Variants in APTX observed in about 807,000 individuals in gnomAD.
APTX encodes the protein aprataxin.
A neutral mutation model predicts 42.3 loss-of-function variants in APTX; 33 were observed. That is an observed-to-expected ratio of 0.78 (90% CI 0.59 to 1.04). APTX has a LOEUF of 1.04. APTX is among the 50% of genes least tolerant of loss of function. The probability of loss-of-function intolerance (pLI) is 0.00; values close to 1 mark genes in which losing one functional copy is unlikely to be tolerated. For synonymous variants in APTX, 130 were observed against 146.7 expected, an observed-to-expected ratio of 0.89 and a Z score of 0.82; for missense variants, 421 against 415.1, an observed-to-expected ratio of 1.01 and a Z score of -0.12.
intron 1 of APTX, chr9:33,020,128 C>T: frequency 2.7e-6 from 1 of 370,620 alleles, no homozygotes; most frequent in Non-Finnish European, 4.8e-6. Flanking sequence ...ATCCACGTCC[C>T]ACATAACCGC....
chr9:32,974,272 C>T (rs1587337198), intron 7 of APTX, among the ~76,000 whole-genome samples, 186 bp downstream of exon 7: 1 of 152,218 alleles, frequency 6.6e-6, no homozygotes, highest in Non-Finnish European at 1.5e-5. Flanking sequence ...AGACAACTCA[C>T]AGCAAAGTGG....
intron 5 of APTX, 89 bp downstream of exon 5, chr9:32,985,882 T>C (rs1831882228): frequency 8.4e-7 from 1 of 1,186,938 alleles, no homozygotes; most frequent in Non-Finnish European, 1.2e-6. Flanking sequence ...GAAAGACTGA[T>C]ATCCTTTGAT....
chr9:32,988,699 A>G lies in APTX; in HGVS notation c.134-570T>C, dbSNP rs906445326. ...CTATCTCAGGAGGAAAAAAAAAAAA[A>G]AAAAAAAAAAAAAAGATCCATTTCT... On this transcript the variant is annotated intron_variant, in intron 2 of 7. Coordinates refer to ENST00000379817, the MANE Select transcript of APTX (RefSeq NM_001195248.2). Among the ~76,000 whole-genome samples, 50 of 147,706 alleles carry G rather than the reference A, an allele frequency of 3.4e-4. 2 individuals carry two copies. Among genetic ancestry groups the G allele is most frequent in the Admixed American group, 2.8e-3 (42 of 15,048 alleles).
intron 5 of APTX, 54 bp downstream of exon 5, chr9:32,985,917 G>A (rs371682069): frequency 1.3e-5 from 18 of 1,418,474 alleles, no homozygotes; most frequent in African/African-American, 5.7e-5. Flanking sequence ...AGACCTCTGT[G>A]GAGTGGTCAT....
At chr9:32,982,297 A>G (rs2118597161) in intron 6 of APTX, among the ~76,000 whole-genome samples, 1 of 152,332 alleles carries the variant, frequency 6.6e-6, no homozygotes, top group Admixed American at 6.5e-5. Context: ...TCACAGATTG[A>G]GGGAGACTAA....
intron 1 of APTX, chr9:33,001,337 G>A: frequency 1.3e-6 from 2 of 1,525,530 alleles, no homozygotes; most frequent in East Asian, 2.5e-5. Flanking sequence ...ACATACAGGT[G>A]TCGGGAGCAC....
At position 32,986,221 on chromosome 9, in the gene APTX, C is replaced by T. The variant is rs1208694533; in HGVS notation, c.484-191G>A. The T allele has an allele frequency of 2.1e-5, 15 of 707,388 alleles. No homozygotes were observed. In the East Asian group the frequency reaches 3.9e-4, roughly 19 times the overall value. 43.8% of individuals were successfully genotyped at this position (707,388 alleles called of 1,614,324 possible). ...TCACTCCATTGCCTTCCTATATTCT[C>T]TTTTTTTTTGAGACAAAGTCTCACT... On this transcript the variant is annotated intron_variant, in intron 4 of 7. Coordinates refer to ENST00000379817, the MANE Select transcript of APTX (RefSeq NM_001195248.2).
chr9:32,974,471 G>A lies in APTX; in HGVS notation c.861C>T (p.Phe287=). The A allele has an allele frequency of 6.3e-7, 1 of 1,582,304 alleles. No individual in the cohort carries two copies. Among genetic ancestry groups the A allele is most frequent in the Non-Finnish European group, 8.7e-7 (1 of 1,151,536 alleles). ...AACACTGTTTACCTTGTGATTCTAG[G>A]AAGTATTCTGTATTGAAAGAATTCC... is the stretch of plus-strand genomic sequence containing the variant. ...KHWNSFNTEY[F]LESQAVIEMV... Residue 287 remains phenylalanine, a synonymous_variant, in exon 7 of 8, where the codon TTC becomes TTT. Transcript: ENST00000379817.
intron 1 of APTX, among the ~76,000 whole-genome samples, chr9:33,000,042 A>T (rs555183332): frequency 6.6e-6 from 1 of 152,300 alleles, no homozygotes; most frequent in South Asian, 2.1e-4. Flanking sequence ...AATATAGAAC[A>T]GTGGCGAAGA....
intron 1 of APTX, among the ~76,000 whole-genome samples, chr9:33,017,569 A>G (rs976276416): frequency 6.6e-6 from 1 of 152,116 alleles, no homozygotes; most frequent in South Asian, 2.1e-4. Context: ...CAATTTATGA[A>G]TTCTGATAGG....
At chr9:32,974,821 C>A (rs1257094754) in intron 6 of APTX, among the ~76,000 whole-genome samples, 1 of 152,028 alleles carries the variant, frequency 6.6e-6, no homozygotes, top group Admixed American at 6.5e-5. Flanking sequence ...ATGGGAAAAG[C>A]CTCTGCCCTT....
intron 1 of APTX, among the ~76,000 whole-genome samples, chr9:32,991,284 A>C (rs772379024): frequency 6.6e-6 from 1 of 152,222 alleles, no homozygotes; most frequent in Admixed American, 6.5e-5. Flanking sequence ...GCAACGCGCA[A>C]AACAATGGAA....
At chr9:33,012,639 G>C (rs928325892) in intron 1 of APTX, among the ~76,000 whole-genome samples, 1 of 152,136 alleles carries the variant, frequency 6.6e-6, no homozygotes, top group Non-Finnish European at 1.5e-5. Context: ...GTATATGAGT[G>C]ACCCAGCTTG....
At chr9:32,980,753 C>T (rs568757803) in intron 6 of APTX, among the ~76,000 whole-genome samples, 1 of 152,304 alleles carries the variant, frequency 6.6e-6, no homozygotes, top group Non-Finnish European at 1.5e-5. Context: ...ACAAACAGAA[C>T]TTATTAATGG....
At chr9:33,009,167 A>G (rs1396505538) in intron 1 of APTX, among the ~76,000 whole-genome samples, 6 of 152,200 alleles carry the variant, frequency 3.9e-5, no homozygotes, top group Non-Finnish European at 7.3e-5. Context: ...ACTGACATTC[A>G]TATCATTGGT....
chr9:32,974,725 CATTT>C (rs1313782937), intron 6 of APTX, among the ~76,000 whole-genome samples, 164 bp from the exon 7 acceptor site: 1 of 152,136 alleles, frequency 6.6e-6, no homozygotes, highest in Non-Finnish European at 1.5e-5. Context: ...TTGATTCATT[CATTT>C]ACTTAAGAAT....
intron 1 of APTX, among the ~76,000 whole-genome samples, chr9:33,009,190 A>G (rs1313700920): frequency 1.3e-5 from 2 of 152,176 alleles, no homozygotes; most frequent in Non-Finnish European, 2.9e-5. Flanking sequence ...TTTGTGGAAA[A>G]TTTTATTTCA....
At chr9:33,009,697 T>C (rs74358362) in intron 1 of APTX, among the ~76,000 whole-genome samples, 10,715 of 152,068 alleles carry the variant, frequency 0.07, 513 homozygotes, top group Non-Finnish European at 0.11. Context: ...GAGGACTGCT[T>C]GAGCCCAGAA....
chr9:33,022,993 CACTA>C (rs1351144263), intron 1 of APTX, among the ~76,000 whole-genome samples: 1 of 152,050 alleles, frequency 6.6e-6, no homozygotes, highest in Non-Finnish European at 1.5e-5. Context: ...CACACCACCA[CACTA>C]ACTCTAATTT....
Sources: allele counts gnomAD v4.1 joint callset (sites outside exome capture counted in the v4.1 genomes callset), GRCh38; gene constraint gnomAD v4.1.1; transcripts MANE v1.5; gene names NCBI Gene and HGNC (gene_info 2026-07-23, HGNC 2026-07-21).